Variants in CDIN1 observed in about 807,000 individuals in gnomAD.
CDIN1 encodes the protein CDAN1-interacting nuclease 1.
In CDIN1, 33 loss-of-function variants were observed where a neutral mutation model predicts 45.3. That is an observed-to-expected ratio of 0.73 (90% CI 0.55 to 0.97). The LOEUF is 0.97. Among genes scored for constraint, CDIN1 ranks in the 50% least tolerant of loss-of-function variants. The pLI is 0.00. For missense variants in CDIN1, 303 were observed against 339.4 expected, an observed-to-expected ratio of 0.89 and a Z score of 0.84; for synonymous variants, 118 against 124.4, an observed-to-expected ratio of 0.95 and a Z score of 0.34.
chr15:36,748,767 G>C (rs1044743846), intron 10 of CDIN1, among the ~76,000 whole-genome samples: 1 of 152,116 alleles, frequency 6.6e-6, no homozygotes, highest in Non-Finnish European at 1.5e-5. Context: ...TGTGACTTCT[G>C]ATTTGAGGGT....
At position 36,809,243 on chromosome 15, in the gene CDIN1, T is replaced by C. The variant is rs2055328034; in HGVS notation, c.*790T>C. On this transcript the variant is annotated 3_prime_UTR_variant, in exon 11 of 11. Coordinates refer to ENST00000566621, the MANE Select transcript of CDIN1 (RefSeq NM_001321759.2). The stretch of plus-strand genomic sequence containing the variant: ...GGGGCCGAGAGGCGACAACCCAACA[T>C]TGAGGAGAGTTTATTTTTAAACATG... The C allele has an allele frequency of 4.0e-6, 1 of 252,812 alleles. No homozygotes were observed. Among genetic ancestry groups the C allele is most frequent in the South Asian group, 4.6e-5 (1 of 21,592 alleles). The allele number at this position is 252,812 out of a possible 1,614,324, so 15.7% of individuals were successfully genotyped here. A position where few individuals can be genotyped will look rare whatever the true frequency, so the allele number is the denominator to read the frequency against.
intron 10 of CDIN1, among the ~76,000 whole-genome samples, chr15:36,711,798 G>A (rs945530518): frequency 6.6e-6 from 1 of 152,138 alleles, no homozygotes; most frequent in African/African-American, 2.4e-5. Flanking sequence ...CTGCAGAGAG[G>A]CCAAGAAATG....
intron 7 of CDIN1, among the ~76,000 whole-genome samples, chr15:36,695,127 T>C (rs1280306680): frequency 6.6e-6 from 1 of 152,220 alleles, no homozygotes; most frequent in Non-Finnish European, 1.5e-5. Flanking sequence ...GGAACATAAA[T>C]GGCCACATCT....
chr15:36,587,082 C>A (rs1011636787), intron 1 of CDIN1, among the ~76,000 whole-genome samples: 1 of 152,200 alleles, frequency 6.6e-6, no homozygotes, highest in African/African-American at 2.4e-5. Flanking sequence ...ATGACTCAAA[C>A]TCGTGATACC....
intron 8 of CDIN1, among the ~76,000 whole-genome samples, chr15:36,701,277 T>C (rs1270650610): frequency 6.6e-6 from 1 of 152,142 alleles, no homozygotes; most frequent in Non-Finnish European, 1.5e-5. Flanking sequence ...ATAAGCATTG[T>C]GATCATCCCA....
chr15:36,655,696 G>A (rs2040756739), intron 4 of CDIN1, among the ~76,000 whole-genome samples: 1 of 152,174 alleles, frequency 6.6e-6, no homozygotes, highest in Non-Finnish European at 1.5e-5. Flanking sequence ...TGAGGTATCT[G>A]AGCTTTAACT....
intron 10 of CDIN1, among the ~76,000 whole-genome samples, chr15:36,794,521 CTTTA>C (rs149330405): frequency 0.013 from 2,003 of 152,202 alleles, 23 homozygotes; most frequent in East Asian, 0.03. Context: ...CCTTTAGATA[CTTTA>C]TTTGAGTGAA....
At chr15:36,802,337 T>A (rs1437168837) in intron 10 of CDIN1, among the ~76,000 whole-genome samples, 1 of 152,208 alleles carries the variant, frequency 6.6e-6, no homozygotes, top group East Asian at 1.9e-4. Flanking sequence ...TATTATTTTA[T>A]ATGTACTTAG....
chr15:36,701,886 C>T, intron 8 of CDIN1: 1 of 585,432 alleles, frequency 1.7e-6, no homozygotes, highest in South Asian at 2.2e-5. Context: ...AAGGATGTCC[C>T]TTGTCGTAAG....
At chr15:36,793,628 T>G (rs2141095967) in intron 10 of CDIN1, among the ~76,000 whole-genome samples, 1 of 152,352 alleles carries the variant, frequency 6.6e-6, no homozygotes, top group Non-Finnish European at 1.5e-5. Context: ...GATCCAGCCC[T>G]GCAGTTTTCT....
chr15:36,709,829 G>T lies in CDIN1; in HGVS notation c.611-27G>T, dbSNP rs372208057. On this transcript the variant is annotated intron_variant, in intron 9 of 10. Coordinates refer to ENST00000566621, the MANE Select transcript of CDIN1 (RefSeq NM_001321759.2). ...TTTTCAATCTTCCCCTCCCTTCTCCGTATATTAGTAATGCTTTGTCCCTTA... is the reference window on the plus strand; with the variant it reads ...TTTTCAATCTTCCCCTCCCTTCTCCTTATATTAGTAATGCTTTGTCCCTTA... 4.5e-6 allele frequency: 7 copies of T among 1,570,838 alleles called. No individual in the cohort carries two copies. The South Asian group carries it at 7.8e-5, about 17-fold the overall frequency.
chr15:36,593,622 G>A (rs1288719921), intron 1 of CDIN1, among the ~76,000 whole-genome samples: 1 of 152,114 alleles, frequency 6.6e-6, no homozygotes, highest in Non-Finnish European at 1.5e-5. Context: ...GGAGTGCAGT[G>A]GCGTGATCTC....
chr15:36,685,099 A>T (rs1752305193), intron 5 of CDIN1, among the ~76,000 whole-genome samples: 1 of 149,976 alleles, frequency 6.7e-6, no homozygotes, highest in African/African-American at 2.4e-5. Flanking sequence ...CTCTGATTTT[A>T]GTTATTTCTT....
intron 3 of CDIN1, chr15:36,648,891 G>A (rs1212664138): frequency 6.6e-6 from 1 of 151,952 alleles, no homozygotes; most frequent in African/African-American, 2.4e-5. Flanking sequence ...GTCTAGAAAT[G>A]TTTTGCTGGT....
intron 1 of CDIN1, among the ~76,000 whole-genome samples, chr15:36,643,988 A>G (rs768180340): frequency 1.3e-5 from 2 of 152,192 alleles, no homozygotes; most frequent in East Asian, 1.9e-4. Flanking sequence ...TTTTAACACC[A>G]TTGCATTCTA....
intron 5 of CDIN1, among the ~76,000 whole-genome samples, chr15:36,685,413 G>A (rs1167778611): frequency 1.3e-5 from 2 of 151,634 alleles, no homozygotes; most frequent in South Asian, 4.2e-4. Flanking sequence ...TTAATCCTGA[G>A]TTCTAGTTTG....
chr15:36,794,864 A>G (rs764651668), intron 10 of CDIN1, among the ~76,000 whole-genome samples: 6 of 152,236 alleles, frequency 3.9e-5, no homozygotes, highest in Admixed American at 2.6e-4. Flanking sequence ...CACAATAACA[A>G]AGATATAGAA....
intron 10 of CDIN1, chr15:36,799,456 T>G (rs1159242128): frequency 1.3e-5 from 2 of 152,092 alleles, no homozygotes; most frequent in African/African-American, 4.8e-5. Flanking sequence ...CCATCATCCC[T>G]CTAAGTCTCT....
chr15:36,732,898 C>T (rs1406427878), intron 10 of CDIN1, among the ~76,000 whole-genome samples: 1 of 151,940 alleles, frequency 6.6e-6, no homozygotes, highest in Non-Finnish European at 1.5e-5. Context: ...ATCTAATTGG[C>T]CACTACCAAA....
Sources: gnomAD v4.1 joint callset for allele counts (sites outside exome capture counted in the v4.1 genomes callset) on GRCh38, gnomAD v4.1.1 for gene constraint, MANE v1.5 for transcripts, NCBI Gene and HGNC (gene_info 2026-07-23, HGNC 2026-07-21) for gene names.